Variants in FANCL observed in about 807,000 individuals in gnomAD.
FANCL encodes FA complementation group L.
FANCL carries 69 observed loss-of-function variants against 59.4 expected under a neutral mutation model. The ratio of observed to expected loss-of-function variants is 1.16; its 90% CI spans 0.96 to 1.42. The LOEUF (loss-of-function observed/expected upper bound fraction) is 1.42, where lower values mean the gene tolerates loss of function less well. Ranked by LOEUF, FANCL falls within the 40% of genes most tolerant of loss-of-function variation. The pLI is 0.00. For missense variants in FANCL, 519 were observed against 447.2 expected, an observed-to-expected ratio of 1.16 and a Z score of -1.45; for synonymous variants, 180 against 147.1, an observed-to-expected ratio of 1.22 and a Z score of -1.62.
intron 4 of FANCL, among the ~76,000 whole-genome samples, chr2:58,224,697 A>G (rs1489248173): frequency 6.6e-6 from 1 of 151,892 alleles, no homozygotes; most frequent in Admixed American, 6.6e-5. Context: ...TATATAAACT[A>G]ACAACACATA....
chr2:58,192,886 C>G (rs1176416941), intron 7 of FANCL, among the ~76,000 whole-genome samples: 1 of 151,840 alleles, frequency 6.6e-6, no homozygotes, highest in African/African-American at 2.4e-5. Flanking sequence ...AAAAACCTTG[C>G]AAACTTAACT....
chr2:58,173,013 G>A (rs898742068), intron 7 of FANCL, among the ~76,000 whole-genome samples: 4 of 152,202 alleles, frequency 2.6e-5, no homozygotes, highest in Admixed American at 1.3e-4. Flanking sequence ...GAGCCGATGC[G>A]ATCAACTGGA....
chr2:58,235,232 T>A (rs1212869249), intron 1 of FANCL, among the ~76,000 whole-genome samples: 2 of 151,986 alleles, frequency 1.3e-5, no homozygotes, highest in Non-Finnish European at 2.9e-5. Context: ...ACAAGGAGTC[T>A]TCAGCTGAGT....
At position 58,224,265 on chromosome 2, in the gene FANCL, A is replaced by G. The variant is rs552621474; in HGVS notation, c.274-2223T>C. ...TCCCTTAGTCTCTCCTTGTATTTGTATTGTTTATTAAAATTATAATAAAAA... is the reference window on the plus strand; with the variant it reads ...TCCCTTAGTCTCTCCTTGTATTTGTGTTGTTTATTAAAATTATAATAAAAA... On this transcript the variant is annotated intron_variant, in intron 4 of 13. Coordinates refer to ENST00000233741, the MANE Select transcript of FANCL (RefSeq NM_018062.4). Among the ~76,000 whole-genome samples, 34 of 151,844 alleles carry G rather than the reference A, an allele frequency of 2.2e-4. No individual in the cohort carries two copies. In the East Asian group the frequency reaches 6.2e-3, roughly 28 times the overall value.
intron 6 of FANCL, among the ~76,000 whole-genome samples, chr2:58,201,461 A>T (rs1235197436): frequency 1.3e-5 from 2 of 151,976 alleles, no homozygotes; most frequent in Non-Finnish European, 2.9e-5. Flanking sequence ...TTCTAAAACA[A>T]ATTTTAACCA....
chr2:58,229,907 A>C (rs1403753238), intron 2 of FANCL, 33 bp from the exon 3 acceptor site: 2 of 1,475,430 alleles, frequency 1.4e-6, no homozygotes, highest in African/African-American at 2.8e-5. Context: ...TGGTTTATTC[A>C]TTGTTCAGAA....
rs980569410 is a variant in FANCL at position 58,225,862 on chromosome 2, A to G, written c.273+866T>C. 2.0e-5 allele frequency among the ~76,000 whole-genome samples: 3 copies of G among 152,232 alleles called. No homozygotes were observed. In the South Asian group the frequency reaches 6.2e-4, roughly 32 times the overall value. ...AAAGAGGAGAGAGATGATGTTATACATAAGTACCTTATAAGTCTTATATAA... is the reference window on the plus strand; with the variant it reads ...AAAGAGGAGAGAGATGATGTTATACGTAAGTACCTTATAAGTCTTATATAA... On this transcript the variant is annotated intron_variant, in intron 4 of 13. Coordinates refer to ENST00000233741, the MANE Select transcript of FANCL (RefSeq NM_018062.4).
chr2:58,177,689 A>G (rs929333780), intron 7 of FANCL, among the ~76,000 whole-genome samples: 4 of 151,262 alleles, frequency 2.6e-5, no homozygotes, highest in African/African-American at 9.7e-5. Context: ...CTAAATGACG[A>G]GTTAACGGGT....
chr2:58,188,724 G>A (rs962067052), intron 7 of FANCL, among the ~76,000 whole-genome samples: 10 of 150,546 alleles, frequency 6.6e-5, no homozygotes, highest in African/African-American at 2.5e-4. Flanking sequence ...ACGGGTGTGA[G>A]ACACTGCGAC....
chr2:58,162,742 C>G (rs1685391501), intron 11 of FANCL, 124 bp downstream of exon 11: 2 of 849,398 alleles, frequency 2.4e-6, no homozygotes, highest in Non-Finnish European at 3.9e-6. Context: ...TGATGCAGAT[C>G]AGAAGTCTGT....
At chr2:58,208,051 CA>C in intron 5 of FANCL, among the ~76,000 whole-genome samples, 1 of 152,266 alleles carries the variant, frequency 6.6e-6, no homozygotes, top group South Asian at 2.1e-4. Context: ...AGACAGAGAC[CA>C]TGTCACTAAA....
chr2:58,217,480 T>C (rs1452235377), intron 5 of FANCL, among the ~76,000 whole-genome samples: 2 of 151,434 alleles, frequency 1.3e-5, no homozygotes, highest in African/African-American at 4.9e-5. Flanking sequence ...CAATACAGCA[T>C]TAAAATCTGT....
intron 3 of FANCL, among the ~76,000 whole-genome samples, chr2:58,228,881 T>C (rs1693298395): frequency 6.6e-6 from 1 of 152,070 alleles, no homozygotes; most frequent in African/African-American, 2.4e-5. Flanking sequence ...ACATAAACCA[T>C]TTTTTCCCAT....
At chr2:58,172,244 G>A (rs550622333) in intron 7 of FANCL, among the ~76,000 whole-genome samples, 2 of 152,228 alleles carry the variant, frequency 1.3e-5, no homozygotes, top group East Asian at 1.9e-4. Context: ...TTTGAAGAGA[G>A]CAGTGGTTCT....
intron 1 of FANCL, among the ~76,000 whole-genome samples, chr2:58,240,445 A>G (rs1468299880): frequency 6.6e-6 from 1 of 152,240 alleles, no homozygotes; most frequent in Non-Finnish European, 1.5e-5. Context: ...GAAATCACAC[A>G]GCCTGCGTTT....
chr2:58,205,594 T>C (rs1428241773), intron 5 of FANCL, among the ~76,000 whole-genome samples: 1 of 152,038 alleles, frequency 6.6e-6, no homozygotes, highest in Non-Finnish European at 1.5e-5. Flanking sequence ...AAATTAATCA[T>C]TTAAAAAATG....
chr2:58,184,300 T>C (rs1573616477), intron 7 of FANCL, among the ~76,000 whole-genome samples: 3 of 152,054 alleles, frequency 2.0e-5, no homozygotes, highest in Admixed American at 2.0e-4. Context: ...ATCAAAATAT[T>C]TGGATTACAT....
intron 1 of FANCL, among the ~76,000 whole-genome samples, chr2:58,232,918 A>C (rs966445749): frequency 2.6e-5 from 4 of 152,038 alleles, no homozygotes; most frequent in Non-Finnish European, 5.9e-5. Context: ...AAAGTAATAA[A>C]ATTCTCAAAA....
At chr2:58,168,706 T>G (rs904534376) in intron 7 of FANCL, among the ~76,000 whole-genome samples, 1 of 152,114 alleles carries the variant, frequency 6.6e-6, no homozygotes, top group Non-Finnish European at 1.5e-5. Flanking sequence ...TGGCTTGAAA[T>G]TCTTGCTGCC....
Sources: gnomAD v4.1 joint callset for allele counts (sites outside exome capture counted in the v4.1 genomes callset) on GRCh38, gnomAD v4.1.1 for gene constraint, MANE v1.5 for transcripts, NCBI Gene and HGNC (gene_info 2026-07-23, HGNC 2026-07-21) for gene names.